The following DNAI7 variants were observed in gnomAD, a reference collection of about 807,000 sequenced individuals.
DNAI7 encodes dynein axonemal intermediate chain 7, also known as cancer susceptibility 1.
Under a neutral mutation model 86.6 loss-of-function variants are expected in DNAI7, and 78 were observed. That is an observed-to-expected ratio of 0.90 (90% CI 0.75 to 1.09). DNAI7 has a LOEUF of 1.09. Among genes scored for constraint, DNAI7 ranks in the 50% least tolerant of loss-of-function variants. DNAI7 has a pLI of 0.00. For missense variants in DNAI7, 753 were observed against 810.2 expected, an observed-to-expected ratio of 0.93 and a Z score of 0.86; for synonymous variants, 274 against 273.0, an observed-to-expected ratio of 1.00 and a Z score of -0.04.
At chr12:25,112,339 T>C (rs1392886522) in intron 13 of DNAI7, among the ~76,000 whole-genome samples, 1 of 152,062 alleles carries the variant, frequency 6.6e-6, no homozygotes, top group Non-Finnish European at 1.5e-5. Flanking sequence ...GCAATATTAT[T>C]ATCCAGTTTT....
intron 12 of DNAI7, among the ~76,000 whole-genome samples, chr12:25,116,113 G>C (rs1444610890): frequency 6.7e-6 from 1 of 150,176 alleles, no homozygotes; most frequent in African/African-American, 2.4e-5. Flanking sequence ...TGGGGGGAGG[G>C]GTCATCTTTA....
At chr12:25,169,738 C>T (rs889934310) in intron 2 of DNAI7, among the ~76,000 whole-genome samples, 6 of 151,036 alleles carry the variant, frequency 4.0e-5, no homozygotes, top group African/African-American at 1.5e-4. Context: ...ATCCCAGCAA[C>T]TTGGGAGGGT....
intron 9 of DNAI7, among the ~76,000 whole-genome samples, chr12:25,129,943 G>A (rs985496645): frequency 2.0e-5 from 3 of 151,712 alleles, no homozygotes; most frequent in African/African-American, 7.3e-5. Context: ...TGTATTTTTA[G>A]TAGAGATGGG....
chr12:25,187,057 G>T (rs931360807), intron 2 of DNAI7, among the ~76,000 whole-genome samples: 4 of 152,132 alleles, frequency 2.6e-5, no homozygotes, highest in Non-Finnish European at 4.4e-5. Context: ...ATCAGATCAT[G>T]CCACTTTTCT....
In DNAI7 at chr12:25,131,712, G is replaced by A. The variant is rs528562469; in HGVS notation, c.1003-8426C>T. 1.1e-3 allele frequency among the ~76,000 whole-genome samples: 164 copies of A among 152,258 alleles called. 1 individual carries two copies. Among genetic ancestry groups the A allele is most frequent in the Non-Finnish European group, 1.7e-3 (118 of 68,030 alleles). ...CAGGATAACTTTGAGGAGCATAGTG[G>A]TTGGATTGCCCAATTTATGTAGGCT... On this transcript the variant is annotated intron_variant, in intron 9 of 15. Transcript: ENST00000395987.
intron 2 of DNAI7, among the ~76,000 whole-genome samples, chr12:25,162,513 C>T (rs141872731): frequency 2.0e-3 from 297 of 152,284 alleles, no homozygotes; most frequent in African/African-American, 6.5e-3. Context: ...AAAAGAAGAG[C>T]ACCATCTACA....
At chr12:25,115,458 G>C (rs1409818570) in intron 12 of DNAI7, among the ~76,000 whole-genome samples, 1 of 152,034 alleles carries the variant, frequency 6.6e-6, no homozygotes, top group Non-Finnish European at 1.5e-5. Flanking sequence ...CTTCCTGTAG[G>C]TGGTCTTTTG....
chr12:25,177,855 T>C (rs951521395), intron 2 of DNAI7, among the ~76,000 whole-genome samples: 3 of 152,210 alleles, frequency 2.0e-5, no homozygotes, highest in Non-Finnish European at 4.4e-5. Flanking sequence ...AATACAGACA[T>C]CTTTATCAGA....
intron 11 of DNAI7, 38 bp from the exon 12 acceptor site, chr12:25,119,339 C>G: frequency 7.0e-7 from 1 of 1,434,032 alleles, no homozygotes; most frequent in South Asian, 1.2e-5. Context: ...AGTTAGTTGA[C>G]TGGTAGCAGT....
chr12:25,150,103 C>A (rs1335430580), intron 6 of DNAI7, among the ~76,000 whole-genome samples: 1 of 152,102 alleles, frequency 6.6e-6, no homozygotes, highest in East Asian at 1.9e-4. Flanking sequence ...GATCACTTAG[C>A]AAATCACCAT....
At chr12:25,119,701 C>A (rs1016467498) in intron 11 of DNAI7, among the ~76,000 whole-genome samples, 11 of 152,092 alleles carry the variant, frequency 7.2e-5, no homozygotes. Flanking sequence ...GCTCTAATAC[C>A]ATGCTAAGGG....
intron 2 of DNAI7, among the ~76,000 whole-genome samples, chr12:25,180,900 G>A (rs1398403853): frequency 6.6e-6 from 1 of 152,000 alleles, no homozygotes; most frequent in Non-Finnish European, 1.5e-5. Flanking sequence ...TCTGCCTCCC[G>A]GGTTCAAGAG....
intron 9 of DNAI7, among the ~76,000 whole-genome samples, chr12:25,129,793 A>G (rs1447063427): frequency 6.7e-6 from 1 of 149,208 alleles, no homozygotes; most frequent in Non-Finnish European, 1.5e-5. Flanking sequence ...ATGGAGTTTC[A>G]CTCTTACTGC....
At chr12:25,192,446 A>G (rs1950610718) in intron 1 of DNAI7, among the ~76,000 whole-genome samples, 1 of 152,198 alleles carries the variant, frequency 6.6e-6, no homozygotes, top group African/African-American at 2.4e-5. Flanking sequence ...TTAGAAATGC[A>G]TATTTATGGA....
At chr12:25,149,429 C>A (rs1305510691) in intron 7 of DNAI7, among the ~76,000 whole-genome samples, 199 bp downstream of exon 7, 8 of 151,856 alleles carry the variant, frequency 5.3e-5, no homozygotes, top group Admixed American at 5.2e-4. Context: ...CTCTAAAAAA[C>A]AAAACAAAAC....
At chr12:25,149,021 G>A (rs1945188257) in intron 7 of DNAI7, among the ~76,000 whole-genome samples, 1 of 151,578 alleles carries the variant, frequency 6.6e-6, no homozygotes, top group African/African-American at 2.4e-5. Flanking sequence ...TTTTGAGACA[G>A]AGTCTGCCTC....
chr12:25,108,518 CATACTTACA>C lies in DNAI7; in HGVS notation c.*21_*29del, dbSNP rs768431445. On this transcript the variant is annotated 3_prime_UTR_variant, in exon 16 of 16. Transcript: ENST00000395987. ...CTGTCTTTCACCATGCTTGGTTCTT[CATACTTACA>C]ATACAGTTTGTAAGTGGAGGTTAGG... The C allele has an allele frequency of 6.3e-7, 1 of 1,577,604 alleles. No homozygotes were observed. The highest frequency in any genetic ancestry group is 8.6e-7 in the Non-Finnish European group (1 of 1,156,480).
At chr12:25,137,177 C>T (rs969132986) in intron 9 of DNAI7, among the ~76,000 whole-genome samples, 1 of 152,096 alleles carries the variant, frequency 6.6e-6, no homozygotes, top group East Asian at 1.9e-4. Flanking sequence ...AGATTAAAAG[C>T]AGATTTCTCA....
At position 25,142,549 on chromosome 12, in the gene DNAI7, T is replaced by C. The variant is rs566400047; in HGVS notation, c.1002+1816A>G. On this transcript the variant is annotated intron_variant, in intron 9 of 15. Coordinates refer to ENST00000395987, the MANE Select transcript of DNAI7 (RefSeq NM_018272.5). ...TAACAGAACTATAATTAATTATTACTACATGAGGCCACTTTGAGATAGATG... is the reference window on the plus strand; with the variant it reads ...TAACAGAACTATAATTAATTATTACCACATGAGGCCACTTTGAGATAGATG... Among the ~76,000 whole-genome samples the C allele has an allele frequency of 1.5e-3, 224 of 150,596 alleles. 4 individuals are homozygous for C. Among genetic ancestry groups the C allele is most frequent in the Non-Finnish European group, 2.8e-3 (192 of 67,710 alleles).
Sources: gnomAD v4.1 joint callset for allele counts (sites outside exome capture counted in the v4.1 genomes callset) on GRCh38, gnomAD v4.1.1 for gene constraint, MANE v1.5 for transcripts, NCBI Gene and HGNC (gene_info 2026-07-23, HGNC 2026-07-21) for gene names.